Variants in FAM135B observed in about 807,000 individuals in gnomAD.
FAM135B encodes protein FAM135B.
In FAM135B, 43 loss-of-function variants were observed where a neutral mutation model predicts 127.7. The observed-to-expected ratio is 0.34, with a 90% CI of 0.26 to 0.43. The LOEUF is 0.43. Among genes scored for constraint, FAM135B ranks in the 20% least tolerant of loss-of-function variants. The pLI is 1.00. For synonymous variants in FAM135B, 670 were observed against 665.1 expected, an observed-to-expected ratio of 1.01 and a Z score of -0.11; for missense variants, 1,558 against 1,725.6, an observed-to-expected ratio of 0.90 and a Z score of 1.72.
chr8:138,337,151 A>T (rs1301804524), intron 2 of FAM135B, among the ~76,000 whole-genome samples: 1 of 152,134 alleles, frequency 6.6e-6, no homozygotes, highest in East Asian at 1.9e-4. Flanking sequence ...AGACAATATC[A>T]TACTGAATGG....
intron 3 of FAM135B, among the ~76,000 whole-genome samples, chr8:138,273,388 T>G (rs1189950435): frequency 6.6e-6 from 1 of 152,176 alleles, no homozygotes; most frequent in East Asian, 1.9e-4. Context: ...GTATTTTTAG[T>G]AGAGACGGTG....
intron 12 of FAM135B, among the ~76,000 whole-genome samples, chr8:138,157,158 A>C (rs966582200): frequency 6.6e-5 from 10 of 152,194 alleles, no homozygotes; most frequent in Non-Finnish European, 1.2e-4. Context: ...AAATCAATAA[A>C]CGTAATTCAT....
At chr8:138,184,054 C>T (rs555084241) in intron 9 of FAM135B, among the ~76,000 whole-genome samples, 219 of 152,250 alleles carry the variant, frequency 1.4e-3, no homozygotes, top group African/African-American at 5.0e-3. Context: ...AGGAGCTCAC[C>T]GGGAGCTCTC....
chr8:138,424,291 G>A (rs192356984), intron 1 of FAM135B, among the ~76,000 whole-genome samples: 48 of 152,292 alleles, frequency 3.2e-4, no homozygotes, highest in Non-Finnish European at 5.9e-4. Context: ...AAAGAGAGGC[G>A]TAAGAAATTA....
At chr8:138,346,975 A>G (rs1829458076) in intron 2 of FAM135B, among the ~76,000 whole-genome samples, 1 of 152,204 alleles carries the variant, frequency 6.6e-6, no homozygotes, top group Non-Finnish European at 1.5e-5. Context: ...CCCGAGAAAA[A>G]GATTTTGTGT....
At chr8:138,203,151 T>G (rs990595743) in intron 7 of FAM135B, among the ~76,000 whole-genome samples, 3 of 152,228 alleles carry the variant, frequency 2.0e-5, no homozygotes, top group African/African-American at 7.2e-5. Context: ...ATAGCTTAGC[T>G]TGTTATCAAC....
At chr8:138,156,147 C>G (rs943317716) in intron 12 of FAM135B, among the ~76,000 whole-genome samples, 1 of 152,162 alleles carries the variant, frequency 6.6e-6, no homozygotes, top group Non-Finnish European at 1.5e-5. Context: ...GAAACTCACT[C>G]AAAACCGCTC....
At chr8:138,369,989 C>G (rs1036919723) in intron 1 of FAM135B, among the ~76,000 whole-genome samples, 3 of 152,124 alleles carry the variant, frequency 2.0e-5, no homozygotes, top group Non-Finnish European at 2.9e-5. Context: ...CAATGCACCC[C>G]AAGAGTGCCA....
At chr8:138,444,357 A>T (rs1422714565) in intron 1 of FAM135B, among the ~76,000 whole-genome samples, 1 of 152,344 alleles carries the variant, frequency 6.6e-6, no homozygotes, top group East Asian at 1.9e-4. Flanking sequence ...CATTCTTCTC[A>T]GCACCACACC....
intron 1 of FAM135B, chr8:138,477,487 C>T (rs1357561805): frequency 6.6e-6 from 1 of 152,188 alleles, no homozygotes; most frequent in Non-Finnish European, 1.5e-5. Context: ...GTTTGTTTAT[C>T]TGTTGCCTCA....
chr8:138,484,102 C>A (rs1441997694), intron 1 of FAM135B, among the ~76,000 whole-genome samples: 1 of 152,086 alleles, frequency 6.6e-6, no homozygotes, highest in Non-Finnish European at 1.5e-5. Context: ...ACATAGATTT[C>A]TCTGGATGTC....
chr8:138,147,586 C>G (rs952579235), intron 14 of FAM135B, among the ~76,000 whole-genome samples: 1 of 152,146 alleles, frequency 6.6e-6, no homozygotes, highest in Non-Finnish European at 1.5e-5. Context: ...CCTGAAAATT[C>G]TGCAGAGTTT....
chr8:138,346,248 C>G (rs1029457193), intron 2 of FAM135B, among the ~76,000 whole-genome samples: 1 of 152,180 alleles, frequency 6.6e-6, no homozygotes, highest in South Asian at 2.1e-4. Flanking sequence ...TGTGGCAATT[C>G]CTCAAAGATC....
At chr8:138,339,629 A>AGTTTTTTTGCATATGTGCCC (rs1828903051) in intron 2 of FAM135B, among the ~76,000 whole-genome samples, 1 of 151,932 alleles carries the variant, frequency 6.6e-6, no homozygotes, top group Admixed American at 6.5e-5. Context: ...CATATGTGTC[A>AGTTTTTTTGCATATGTGCCC]CAGTTTTTTT....
intron 7 of FAM135B, among the ~76,000 whole-genome samples, chr8:138,227,714 C>CTTTTT (rs761660500): frequency 7.3e-5 from 6 of 81,816 alleles, no homozygotes; most frequent in African/African-American, 9.1e-5. Flanking sequence ...TTTTGTCTCT[C>CTTTTT]TTTTTTTTTT....
intron 1 of FAM135B, among the ~76,000 whole-genome samples, chr8:138,474,210 C>T (rs4909798): frequency 0.53 from 80,392 of 151,834 alleles, 22,210 homozygotes; most frequent in East Asian, 0.91. Context: ...GAGTCATTTG[C>T]GGAGGATGCC....
At chr8:138,298,094 A>C (rs925497) in intron 3 of FAM135B, among the ~76,000 whole-genome samples, 5,487 of 152,294 alleles carry the variant, frequency 0.036, 223 homozygotes, top group East Asian at 0.19. Flanking sequence ...CCTTCTGCAA[A>C]ACAGGGACCT....
intron 7 of FAM135B, among the ~76,000 whole-genome samples, chr8:138,205,557 A>G (rs1817488088): frequency 6.6e-6 from 1 of 152,174 alleles, no homozygotes; most frequent in Admixed American, 6.5e-5. Flanking sequence ...AATCTGGGAA[A>G]ATCACTTACC....
At chr8:138,228,310 G>A (rs969293869) in intron 7 of FAM135B, among the ~76,000 whole-genome samples, 8 of 152,046 alleles carry the variant, frequency 5.3e-5, no homozygotes, top group Admixed American at 5.2e-4. Flanking sequence ...ATCTTTAGGT[G>A]TAGGGCTGAG....
Sources: allele counts gnomAD v4.1 joint callset (sites outside exome capture counted in the v4.1 genomes callset), GRCh38; gene constraint gnomAD v4.1.1; transcripts MANE v1.5; gene names NCBI Gene and HGNC (gene_info 2026-07-23, HGNC 2026-07-21).